The following SLFN11 variants were observed in gnomAD, a reference collection of about 807,000 sequenced individuals.
The protein encoded by SLFN11 is schlafen family member 11.
SLFN11 carries 43 observed loss-of-function variants against 53.4 expected under a neutral mutation model. The ratio of observed to expected loss-of-function variants is 0.80; its 90% CI spans 0.63 to 1.04. The LOEUF (loss-of-function observed/expected upper bound fraction) is 1.04, where lower values mean the gene tolerates loss of function less well. Among genes scored for constraint, SLFN11 ranks in the 50% least tolerant of loss-of-function variants. The pLI, the probability that SLFN11 is intolerant of heterozygous loss-of-function variation, is 0.00. For synonymous variants in SLFN11, 389 were observed against 394.7 expected (o/e 0.99, Z 0.17); for missense variants, 990 against 1,079.1 (o/e 0.92, Z 1.16).
chr17:35,371,018 C>T (rs914344293), intron 1 of SLFN11, among the ~76,000 whole-genome samples: 29 of 152,090 alleles, frequency 1.9e-4, no homozygotes, highest in African/African-American at 6.0e-4. Context: ...CCAAAGTTAT[C>T]GGAAGCAAAA....
At position 35,371,150 on chromosome 17, in the gene SLFN11, A is replaced by G. The variant is rs1367254012; in HGVS notation, c.-235+2324T>C. Among the ~76,000 whole-genome samples, 3 of 152,184 alleles carry G rather than the reference A, an allele frequency of 2.0e-5. No individual in the cohort carries two copies. The South Asian group carries it at 6.2e-4, about 32-fold the overall frequency. On this transcript the variant is annotated intron_variant, in intron 1 of 6. Coordinates refer to ENST00000685675, the MANE Select transcript of SLFN11 (RefSeq NM_001376007.1). ...ATAGACCAATGGAACAGAATAGAGA[A>G]CCCAGACACAAATACACACACCTAA...
chr17:35,352,169 G>A lies in SLFN11; in HGVS notation c.*187C>T, dbSNP rs1056184827. The A allele has an allele frequency of 3.1e-6, 2 of 645,166 alleles. No homozygotes were observed. Among genetic ancestry groups the A allele is most frequent in the Non-Finnish European group, 5.0e-6 (2 of 402,596 alleles). 40.0% of individuals were successfully genotyped at this position (645,166 alleles called of 1,614,324 possible). On this transcript the variant is annotated 3_prime_UTR_variant, in exon 7 of 7. Coordinates refer to ENST00000685675, the MANE Select transcript of SLFN11 (RefSeq NM_001376007.1). ...GGAAGAGTCAGGGGTCAGAATGGGG[G>A]GCAGCCACCGCTGCTGAAAGGGTTG...
chr17:35,353,598 G>A lies in SLFN11; in HGVS notation c.1660C>T (p.Leu554Phe). 1 of 1,176,904 alleles carries A rather than the reference G, an allele frequency of 8.5e-7. No individual in the cohort carries two copies. Among genetic ancestry groups the A allele is most frequent in the Non-Finnish European group, 1.2e-6 (1 of 866,830 alleles). 72.9% of individuals were successfully genotyped at this position (1,176,904 alleles called of 1,614,324 possible). A position where few individuals can be genotyped will look rare whatever the true frequency, so the allele number is the denominator to read the frequency against. The change falls in exon 6 of 7, where the codon CTC (leucine) becomes TTC (phenylalanine). Residue 554 changes from leucine to phenylalanine, a missense_variant. By Grantham distance (22) the Leu-to-Phe change is conservative. Around this residue, in one of 3 missense-constraint regions of SLFN11, gnomAD observed 156 missense variants for 241.9 expected, o/e 0.64. Transcript: ENST00000685675. ...CTGAAGCCGAGTAAGACAATCACGA[G>A]GGACTGCAGCAGGGCTTCCATGTGC... ...TQHMEALLQS[L>F]VIVLLGFRSL...
rs751102443 is a variant in SLFN11 at position 35,363,453 on chromosome 17, G to A, written c.355C>T (p.Arg119Cys). The A allele has an allele frequency of 2.0e-5, 32 of 1,613,788 alleles. No individual in the cohort carries two copies. Among genetic ancestry groups the A allele is most frequent in the African/African-American group, 6.7e-5 (5 of 74,884 alleles). Residue 119 changes from arginine (R) to cysteine (C), a missense_variant, in exon 4 of 7, where the codon CGC becomes TGC. Physicochemically the swap from Arg to Cys is radical, Grantham distance 180. Transcript: ENST00000685675. ...CTGCAAAGGCGGGGCTTGACAGAGC[G>A]ATCTTCAGGGAAAGGGCCACTGCTC... The part of the protein sequence containing the change: ...SWSSGPFPED[R>C]SVKPRLCSLS...
chr17:35,364,093 G>A lies in SLFN11; in HGVS notation c.-19-267C>T, dbSNP rs192008645. Among the ~76,000 whole-genome samples the A allele has an allele frequency of 6.3e-4, 96 of 152,210 alleles. 2 individuals carry two copies. The highest frequency in any genetic ancestry group is 1.6e-4 in the Non-Finnish European group (11 of 68,022). ...ATGATGGTTCAAAAAGACTTCCAAG[G>A]CAAAGGTGACATTTAAAGACCTGAA... On this transcript the variant is annotated intron_variant, in intron 3 of 6. Coordinates refer to ENST00000685675, the MANE Select transcript of SLFN11 (RefSeq NM_001376007.1).
chr17:35,354,057 G>GGACTGTATGTGAAAA lies in SLFN11; in HGVS notation c.1199-13_1200dup (p.Val400_Pro401insPheSerHisThrVal), dbSNP rs1198420592. 2 of 1,589,486 alleles carry GGACTGTATGTGAAAA rather than the reference G, an allele frequency of 1.3e-6. No homozygotes were observed. Among genetic ancestry groups the GGACTGTATGTGAAAA allele is most frequent in the East Asian group, 4.5e-5 (2 of 44,626 alleles). The stretch of plus-strand genomic sequence containing the variant: ...GGAGTATATCGCAAATATCCTGGTG[G>GGACTGTATGTGAAAA]GACTGTATGTGAAAAGAATGATAAA... On this transcript the variant is annotated inframe_insertion and splice_region_variant, in exon 6 of 7. Coordinates refer to ENST00000685675, the MANE Select transcript of SLFN11 (RefSeq NM_001376007.1).
intron 5 of SLFN11, among the ~76,000 whole-genome samples, chr17:35,354,529 T>C (rs1381960775): frequency 1.3e-5 from 2 of 152,232 alleles, no homozygotes; most frequent in Admixed American, 1.3e-4. Context: ...ATTAACTCCA[T>C]AGTTGCAGAG....
rs569719872 is a variant in SLFN11 at position 35,350,713 on chromosome 17, G to A, written c.*1643C>T. ...TGCTGATCTGTCAGATTTTGCTTAA[G>A]TTAGGAGAGCCTGCAATTTCAAGCC... On this transcript the variant is annotated 3_prime_UTR_variant, in exon 7 of 7. Coordinates refer to ENST00000685675, the MANE Select transcript of SLFN11 (RefSeq NM_001376007.1). 4 of 152,284 alleles carry A rather than the reference G, an allele frequency of 2.6e-5. No individual in the cohort carries two copies. 9.4% of individuals were successfully genotyped at this position (152,284 alleles called of 1,614,324 possible).
chr17:35,353,316 C>A lies in SLFN11; in HGVS notation c.1922+20G>T. ...ACCCAGATTAAATAATACTTAGAGACGTAAGATCCAACTGCTTACCTGATA... is the reference window on the plus strand; with the variant it reads ...ACCCAGATTAAATAATACTTAGAGAAGTAAGATCCAACTGCTTACCTGATA... On this transcript the variant is annotated intron_variant, in intron 6 of 6. Transcript: ENST00000685675. 1 of 1,613,872 alleles carries A rather than the reference C, an allele frequency of 6.2e-7. No individual in the cohort carries two copies.
intron 5 of SLFN11, among the ~76,000 whole-genome samples, chr17:35,357,007 T>G (rs1311948620): frequency 6.6e-6 from 1 of 152,088 alleles, no homozygotes. Context: ...TTTTTAACAA[T>G]CCAGTAGACG....
At chr17:35,357,640 C>T (rs1907681830) in intron 5 of SLFN11, among the ~76,000 whole-genome samples, 1 of 148,758 alleles carries the variant, frequency 6.7e-6, no homozygotes, top group Admixed American at 6.8e-5. Context: ...TGTGTATTTC[C>T]AGATCCTACA....
intron 3 of SLFN11, among the ~76,000 whole-genome samples, chr17:35,364,243 C>T (rs1908653170): frequency 6.6e-6 from 1 of 152,028 alleles, no homozygotes; most frequent in African/African-American, 2.4e-5. Flanking sequence ...TTCCAGTGAA[C>T]ACCAACTTTA....
Position 35,352,591 on chromosome 17 carries a change from T to G in SLFN11, c.2471A>C (p.Tyr824Ser), listed in dbSNP as rs775534496. 3.8e-5 allele frequency: 62 copies of G among 1,614,180 alleles called. No individual in the cohort carries two copies. In the African/African-American group the frequency reaches 8.1e-4, roughly 21 times the overall value. Residue 824 changes from tyrosine to serine, a missense_variant, in exon 7 of 7, where the codon TAT (tyrosine) becomes TCT (serine). Tyr to Ser is a moderately radical substitution (Grantham distance 144). Around this residue, in one of 3 missense-constraint regions of SLFN11, gnomAD observed 313 missense variants for 320.9 expected, o/e 0.98. Coordinates refer to ENST00000685675, the MANE Select transcript of SLFN11 (RefSeq NM_001376007.1). ...CTTCCTCATTGCTTTCAAGAGCTCA[T>G]ACTTATAGTGCTCCACTTCTTTTGC... is the stretch of plus-strand genomic sequence containing the variant. ...STAKEVEHYK[Y>S]ELLKAMRKKR...
intron 6 of SLFN11, 69 bp downstream of exon 6, chr17:35,353,267 C>G (rs772757916): frequency 6.2e-7 from 1 of 1,606,612 alleles, no homozygotes. Flanking sequence ...TCAAGAAAGA[C>G]GGTGACTTAG....
chr17:35,368,570 A>G (rs1402915208), intron 1 of SLFN11, among the ~76,000 whole-genome samples: 2 of 152,102 alleles, frequency 1.3e-5, no homozygotes, highest in African/African-American at 2.4e-5. Context: ...CTAGGCCACA[A>G]GGACTGAAAC....
chr17:35,368,271 C>T (rs1283611607), intron 1 of SLFN11, among the ~76,000 whole-genome samples: 1 of 152,062 alleles, frequency 6.6e-6, no homozygotes, highest in Non-Finnish European at 1.5e-5. Flanking sequence ...GAAGGCTCCA[C>T]CTACCATCCC....
At position 35,352,979 on chromosome 17, in the gene SLFN11, G is replaced by C; in HGVS notation, c.2083C>G (p.Pro695Ala). The change falls in exon 7 of 7, where the codon CCA (proline) becomes GCA (alanine). Residue 695 changes from proline to alanine, a missense_variant. By Grantham distance (27) the Pro-to-Ala change is conservative (BLOSUM62 -1). Transcript: ENST00000685675. ...TCCAGAAAGATCCAGAGAATTCCTG[G>C]GCCACCCTTTGCTCTCCGAGTGATG... The part of the protein sequence containing the change: ...KSITRRAKGG[P>A]GILWIFLDYF... 1 of 1,614,094 alleles carries C rather than the reference G, an allele frequency of 6.2e-7. No individual in the cohort carries two copies. The highest frequency in any genetic ancestry group is 1.6e-4 in the Middle Eastern group (1 of 6,062).
Position 35,360,290 on chromosome 17 carries a change from T to C in SLFN11, c.1151A>G (p.Lys384Arg), listed in dbSNP as rs369970622. The change falls in exon 5 of 7, where the codon AAG (lysine) becomes AGG (arginine). Residue 384 changes from lysine to arginine, a missense_variant. This residue lies in a region of SLFN11 where 521 missense variants were observed against 516.2 expected (regional missense o/e 1.01). Coordinates refer to ENST00000685675, the MANE Select transcript of SLFN11 (RefSeq NM_001376007.1). ...TTCCTTTTTATGTTCCAGGCCTTTC[T>C]TGGAGTACACTGGTCTGCTAAGGGG... is the stretch of plus-strand genomic sequence containing the variant. ...GPPLSRPVYS[K>R]KGLEHKKELQ... The C allele has an allele frequency of 1.5e-5, 24 of 1,611,226 alleles. No individual in the cohort carries two copies. The African/African-American group carries it at 2.0e-4, about 14-fold the overall frequency.
intron 6 of SLFN11, 45 bp from the exon 7 acceptor site, chr17:35,353,184 A>G (rs1313527316): frequency 5.0e-6 from 8 of 1,595,028 alleles, no homozygotes; most frequent in Non-Finnish European, 6.0e-6. Context: ...CTAAAAAAAC[A>G]AGGGGAGAAA....
Sources: allele counts gnomAD v4.1 joint callset (sites outside exome capture counted in the v4.1 genomes callset), GRCh38; gene constraint gnomAD v4.1.1; regional missense constraint gnomAD v4.1.1; transcripts MANE v1.5; gene names NCBI Gene and HGNC (gene_info 2026-07-23, HGNC 2026-07-21).